The following MMP26 variants were observed in gnomAD, a reference collection of about 807,000 sequenced individuals.
MMP26 encodes the protein matrix metalloproteinase-26.
MMP26 carries 33 observed loss-of-function variants against 31.0 expected under a neutral mutation model. That is an observed-to-expected ratio of 1.06 (90% confidence interval 0.81 to 1.42). The LOEUF (loss-of-function observed/expected upper bound fraction) is 1.42. Ranked by LOEUF, MMP26 falls within the 40% of genes most tolerant of loss-of-function variation. The pLI is 0.00. For missense variants in MMP26, 347 were observed against 316.1 expected (o/e 1.10, Z -0.74); for synonymous variants, 122 against 114.9 (o/e 1.06, Z -0.40).
intron 2 of MMP26, chr11:4,881,670 A>C (rs1850464377): frequency 3.8e-6 from 2 of 525,588 alleles, no homozygotes; most frequent in Non-Finnish European, 6.8e-6. Context: ...GTAAAAAATA[A>C]TAGACTTTGG....
At chr11:4,807,534 G>A (rs901642205) in intron 2 of MMP26, among the ~76,000 whole-genome samples, 4 of 146,862 alleles carry the variant, frequency 2.7e-5, no homozygotes, top group Admixed American at 7.2e-5. Context: ...ACCAAACACC[G>A]CATGTTCTTA....
intron 2 of MMP26, among the ~76,000 whole-genome samples, chr11:4,910,208 C>T (rs762071658): frequency 3.3e-5 from 5 of 151,918 alleles, no homozygotes; most frequent in Non-Finnish European, 7.4e-5. Context: ...CCTCATAGAT[C>T]CCCTCTTTCA....
At chr11:4,870,024 A>T (rs567980433) in intron 2 of MMP26, among the ~76,000 whole-genome samples, 3 of 152,134 alleles carry the variant, frequency 2.0e-5, no homozygotes, top group Non-Finnish European at 4.4e-5. Flanking sequence ...CTGAACAATG[A>T]GAACACTTGG....
intron 2 of MMP26, among the ~76,000 whole-genome samples, chr11:4,979,758 T>C (rs570157869): frequency 6.6e-6 from 1 of 152,204 alleles, no homozygotes; most frequent in East Asian, 1.9e-4. Flanking sequence ...AACCAACTAG[T>C]AGTTACAACC....
At chr11:4,880,791 T>C (rs1233678360) in intron 2 of MMP26, among the ~76,000 whole-genome samples, 1 of 152,144 alleles carries the variant, frequency 6.6e-6, no homozygotes, top group African/African-American at 2.4e-5. Flanking sequence ...AGTTTTAGCT[T>C]AATATGTCAG....
intron 1 of MMP26, among the ~76,000 whole-genome samples, chr11:4,753,461 T>C (rs1303981977): frequency 2.0e-5 from 3 of 152,144 alleles, no homozygotes; most frequent in Non-Finnish European, 4.4e-5. Context: ...GATTAAATTT[T>C]TCATCCTTCA....
At chr11:4,854,729 A>T (rs61882284) in intron 2 of MMP26, among the ~76,000 whole-genome samples, 52,131 of 151,974 alleles carry the variant, frequency 0.34, 9,613 homozygotes, top group Middle Eastern at 0.43. Flanking sequence ...TATCCCAGCA[A>T]GGAGTTTGAG....
chr11:4,746,726 C>T (rs565294273), intron 1 of MMP26, among the ~76,000 whole-genome samples: 158 of 151,920 alleles, frequency 1.0e-3, no homozygotes, highest in Admixed American at 2.0e-3. Flanking sequence ...CCCAGTTACT[C>T]GGGAGGCAGA....
chr11:4,912,903 T>C (rs942101618), intron 2 of MMP26: 3 of 152,058 alleles, frequency 2.0e-5, no homozygotes, highest in African/African-American at 7.2e-5. Context: ...AGGACTATCA[T>C]GTTGTCTAGC....
intron 2 of MMP26, among the ~76,000 whole-genome samples, chr11:4,778,291 A>G (rs907075469): frequency 3.3e-5 from 5 of 151,928 alleles, no homozygotes; most frequent in African/African-American, 1.2e-4. Context: ...CCTTTTGCCT[A>G]TTTTCCATTG....
intron 2 of MMP26, among the ~76,000 whole-genome samples, chr11:4,984,798 C>T (rs187756625): frequency 6.6e-6 from 1 of 152,176 alleles, no homozygotes; most frequent in East Asian, 1.9e-4. Context: ...ATTTCTGCAA[C>T]AGAATTTCAA....
chr11:4,834,946 A>G (rs1849696092), intron 2 of MMP26, among the ~76,000 whole-genome samples: 2 of 152,086 alleles, frequency 1.3e-5, no homozygotes, highest in Admixed American at 6.6e-5. Context: ...ATAGACATAA[A>G]TTATCTTAAA....
chr11:4,789,530 C>CTTTTTTTTTTTTTT lies in MMP26; in HGVS notation c.-145+22205_-145+22218dup, dbSNP rs71050429. On this transcript the variant is annotated intron_variant, in intron 2 of 7. Transcript: ENST00000380390. ...TCCTGAAGGTAAAGATATCCCCCCA[C>CTTTTTTTTTTTTTT]TTTTTTTTTTTTTTTTTTTTTTTTT... Among the ~76,000 whole-genome samples the CTTTTTTTTTTTTTT allele has an allele frequency of 1.2e-3, 78 of 65,968 alleles. 9 individuals are homozygous for CTTTTTTTTTTTTTT. Among genetic ancestry groups the CTTTTTTTTTTTTTT allele is most frequent in the African/African-American group, 2.2e-3 (41 of 18,642 alleles). The allele number at this position is 65,968 out of a possible 152,430, so 43.3% of individuals were successfully genotyped here.
At chr11:4,908,333 T>C (rs1337842778) in intron 2 of MMP26, 1 of 1,589,806 alleles carries the variant, frequency 6.3e-7, no homozygotes, top group Non-Finnish European at 8.6e-7. Flanking sequence ...AGGTAATAAA[T>C]TATCAACCAG....
At chr11:4,836,319 T>C (rs968221547) in intron 2 of MMP26, among the ~76,000 whole-genome samples, 4 of 151,988 alleles carry the variant, frequency 2.6e-5, no homozygotes, top group African/African-American at 9.7e-5. Context: ...AATGCTGTGG[T>C]GGTGAGCACC....
chr11:4,806,476 A>G (rs1277932948), intron 2 of MMP26, among the ~76,000 whole-genome samples: 1 of 152,070 alleles, frequency 6.6e-6, no homozygotes, highest in Non-Finnish European at 1.5e-5. Flanking sequence ...CCATTATGTA[A>G]TGGGCTTCTT....
At chr11:4,842,648 T>C (rs1026149000) in intron 2 of MMP26, among the ~76,000 whole-genome samples, 2 of 152,220 alleles carry the variant, frequency 1.3e-5, no homozygotes, top group African/African-American at 4.8e-5. Flanking sequence ...ACATGAGATT[T>C]GGGTGGGGAC....
chr11:4,861,774 C>A (rs1239723740), intron 2 of MMP26, among the ~76,000 whole-genome samples: 1 of 152,110 alleles, frequency 6.6e-6, no homozygotes, highest in African/African-American at 2.4e-5. Flanking sequence ...TGAGTGCCGC[C>A]TTCTAATACA....
At chr11:4,986,081 C>T (rs1398213211) in intron 2 of MMP26, among the ~76,000 whole-genome samples, 1 of 152,200 alleles carries the variant, frequency 6.6e-6, no homozygotes, top group African/African-American at 2.4e-5. Flanking sequence ...GACCTCCCTC[C>T]ACATATATAT....
Sources: allele counts gnomAD v4.1 joint callset (sites outside exome capture counted in the v4.1 genomes callset), GRCh38; gene constraint gnomAD v4.1.1; transcripts MANE v1.5; gene names NCBI Gene and HGNC (gene_info 2026-07-23, HGNC 2026-07-21).